The following PACRG variants were observed in gnomAD, a reference collection of about 807,000 sequenced individuals.
PACRG encodes the protein parkin coregulated gene protein.
A neutral mutation model predicts 29.7 loss-of-function variants in PACRG; 29 were observed. The ratio of observed to expected loss-of-function variants is 0.98; its 90% CI spans 0.73 to 1.33. The LOEUF (loss-of-function observed/expected upper bound fraction) is 1.33, where lower values mean the gene tolerates loss of function less well. Among genes scored for constraint, PACRG ranks in the 40% most tolerant of loss-of-function variants. The pLI, the probability that PACRG is intolerant of heterozygous loss-of-function variation, is 0.00. For missense variants in PACRG, 279 were observed against 316.2 expected (o/e 0.88, Z 0.89); for synonymous variants, 116 against 118.7 (o/e 0.98, Z 0.15).
At position 162,921,419 on chromosome 6, in the gene PACRG, C is replaced by T. The variant is rs184611952; in HGVS notation, c.291+107138C>T. 4.4e-4 allele frequency among the ~76,000 whole-genome samples: 67 copies of T among 152,294 alleles called. 1 individual carries two copies. The highest frequency in any genetic ancestry group is 1.4e-3 in the African/African-American group (57 of 41,558). ...TATCCTTATCCATCTTGGTTTCCTC[C>T]GGAGGCTGTCTGATTTGTTTTCTGG... On this transcript the variant is annotated intron_variant, in intron 2 of 4. Coordinates refer to ENST00000366888, the MANE Select transcript of PACRG (RefSeq NM_001080379.2).
chr6:163,135,207 TAGAC>T (rs1198855579), intron 4 of PACRG, among the ~76,000 whole-genome samples: 3 of 151,698 alleles, frequency 2.0e-5, no homozygotes, highest in African/African-American at 4.9e-5. Flanking sequence ...TTTTTAATTT[TAGAC>T]AGAGTCTCGT....
chr6:163,003,498 G>GTCC, intron 2 of PACRG, among the ~76,000 whole-genome samples: 1 of 152,170 alleles, frequency 6.6e-6, no homozygotes. Flanking sequence ...AGTATAGACA[G>GTCC]CAGGAGATAA....
intron 2 of PACRG, among the ~76,000 whole-genome samples, chr6:162,939,151 TAA>T (rs1453419255): frequency 6.6e-6 from 1 of 152,118 alleles, no homozygotes; most frequent in Non-Finnish European, 1.5e-5. Context: ...AACAAAAGCA[TAA>T]AGTGGGGAAA....
intron 4 of PACRG, among the ~76,000 whole-genome samples, chr6:163,235,930 A>AGTT (rs60523113): frequency 0.41 from 62,847 of 151,784 alleles, 13,992 homozygotes; most frequent in African/African-American, 0.58. Context: ...AAAGGAAAAA[A>AGTT]GTTGTTTTTT....
intron 4 of PACRG, among the ~76,000 whole-genome samples, chr6:163,118,655 TTACTA>T (rs1488931146): frequency 6.6e-6 from 1 of 152,254 alleles, no homozygotes; most frequent in African/African-American, 2.4e-5. Flanking sequence ...ATCTTGTCAT[TTACTA>T]TATATGTTTG....
chr6:163,256,389 C>T (rs143376756), intron 4 of PACRG, among the ~76,000 whole-genome samples: 139 of 152,260 alleles, frequency 9.1e-4, no homozygotes, highest in African/African-American at 3.2e-3. Flanking sequence ...AGAGGATTCT[C>T]GTTGGAGGAG....
In PACRG at chr6:162,947,428, C is replaced by CATATATATAAA. The variant is rs1454288234; in HGVS notation, c.292-114711_292-114701dup. On this transcript the variant is annotated intron_variant, in intron 2 of 4. Coordinates refer to ENST00000366888, the MANE Select transcript of PACRG (RefSeq NM_001080379.2). ...AATCATATATAATCATACATAAAAT[C>CATATATATAAA]ATATATATAAAATATATATAATCAT... 1.7e-3 allele frequency among the ~76,000 whole-genome samples: 102 copies of CATATATATAAA among 60,236 alleles called. 2 individuals are homozygous for CATATATATAAA. The highest frequency in any genetic ancestry group is 5.1e-3 in the African/African-American group (99 of 19,388). The allele number at this position is 60,236 out of a possible 152,430, so 39.5% of individuals were successfully genotyped here.
chr6:162,946,090 C>T (rs1266436102), intron 2 of PACRG, among the ~76,000 whole-genome samples: 2 of 151,676 alleles, frequency 1.3e-5, no homozygotes, highest in African/African-American at 4.8e-5. Context: ...AATGATGTAT[C>T]TCAAGGAAAT....
intron 4 of PACRG, among the ~76,000 whole-genome samples, chr6:163,186,193 A>C (rs1779919237): frequency 6.6e-6 from 1 of 152,136 alleles, no homozygotes; most frequent in African/African-American, 2.4e-5. Context: ...GCAGGCTTTC[A>C]GATTTCCCCC....
intron 2 of PACRG, among the ~76,000 whole-genome samples, chr6:162,951,647 A>G (rs1364863152): frequency 6.6e-6 from 1 of 152,226 alleles, no homozygotes; most frequent in African/African-American, 2.4e-5. Context: ...TGAGCACCTC[A>G]GTTGGCCATG....
At chr6:162,941,042 T>G (rs9365513) in intron 2 of PACRG, among the ~76,000 whole-genome samples, 1 of 42,674 alleles carries the variant, frequency 2.3e-5, no homozygotes, top group Non-Finnish European at 5.3e-5. Flanking sequence ...ATGTGTGTGT[T>G]TGTGCATGTG....
intron 1 of PACRG, among the ~76,000 whole-genome samples, chr6:162,787,135 G>A (rs557143464): frequency 6.6e-6 from 1 of 152,106 alleles, no homozygotes; most frequent in African/African-American, 2.4e-5. Flanking sequence ...TCATTTATGG[G>A]TAGCTCCTCT....
chr6:162,878,940 T>C (rs1047592401), intron 2 of PACRG, among the ~76,000 whole-genome samples: 2 of 152,344 alleles, frequency 1.3e-5, no homozygotes, highest in South Asian at 4.1e-4. Context: ...TGGCTCTTTG[T>C]ATGTAATAAT....
intron 2 of PACRG, among the ~76,000 whole-genome samples, chr6:162,871,652 C>G (rs750584184): frequency 6.6e-6 from 1 of 151,818 alleles, no homozygotes; most frequent in Non-Finnish European, 1.5e-5. Context: ...GGCGCGGTGG[C>G]TCACGCCTGT....
At chr6:163,161,369 T>C (rs75292209) in intron 4 of PACRG, among the ~76,000 whole-genome samples, 2,167 of 152,186 alleles carry the variant, frequency 0.014, 51 homozygotes, top group African/African-American at 0.048. Flanking sequence ...TGAACTGTTG[T>C]TTGGTTTGGG....
intron 3 of PACRG, among the ~76,000 whole-genome samples, chr6:163,087,451 G>A (rs1813672445): frequency 6.6e-6 from 1 of 151,632 alleles, no homozygotes; most frequent in Non-Finnish European, 1.5e-5. Context: ...TGGAAACCAG[G>A]ACCAGAGGAG....
At chr6:162,868,482 C>T (rs971376876) in intron 2 of PACRG, among the ~76,000 whole-genome samples, 4 of 152,214 alleles carry the variant, frequency 2.6e-5, no homozygotes. Flanking sequence ...TGGTGAGATG[C>T]GCGGTCCACA....
chr6:162,784,548 ATTG>A (rs983232788), intron 1 of PACRG, among the ~76,000 whole-genome samples: 1 of 152,058 alleles, frequency 6.6e-6, no homozygotes, highest in Non-Finnish European at 1.5e-5. Context: ...TGTTTGTTTT[ATTG>A]TTGTTTGTCA....
At chr6:162,733,769 T>A (rs1009852549) in intron 1 of PACRG, among the ~76,000 whole-genome samples, 1 of 152,182 alleles carries the variant, frequency 6.6e-6, no homozygotes, top group Non-Finnish European at 1.5e-5. Context: ...TGTGTCCTCA[T>A]CTCTTGATGC....
Sources: allele counts gnomAD v4.1 joint callset (sites outside exome capture counted in the v4.1 genomes callset), GRCh38; gene constraint gnomAD v4.1.1; transcripts MANE v1.5; gene names NCBI Gene and HGNC (gene_info 2026-07-23, HGNC 2026-07-21).